Variants in CFLAR observed in about 807,000 individuals in gnomAD.
CFLAR encodes CASP8 and FADD-like apoptosis regulator.
CFLAR carries 14 observed loss-of-function variants against 51.1 expected under a neutral mutation model. The observed-to-expected ratio is 0.27, with a 90% CI of 0.18 to 0.43. The LOEUF (loss-of-function observed/expected upper bound fraction) is 0.43. Ranked by LOEUF, CFLAR falls within the 20% of genes least tolerant of loss-of-function variation. The pLI, the probability that CFLAR is intolerant of heterozygous loss-of-function variation, is 1.00. For missense variants in CFLAR, 390 were observed against 566.5 expected (o/e 0.69, Z 3.16); for synonymous variants, 210 against 211.6 (o/e 0.99, Z 0.06).
In CFLAR at chr2:201,148,794, C is replaced by T. The variant is rs534651140; in HGVS notation, c.662-209C>T. 17 of 490,202 alleles carry T rather than the reference C, an allele frequency of 3.5e-5. No homozygotes were observed. The South Asian group carries it at 3.9e-4, about 11-fold the overall frequency. The allele number at this position is 490,202 out of a possible 1,614,324, so 30.4% of individuals were successfully genotyped here. A position where few individuals can be genotyped will look rare whatever the true frequency, so the allele number is the denominator to read the frequency against. ...CTGTTTAAGCAGCTTTTCCAGATAG[C>T]CCCTGATAGCACTGGGACTTGTGTT... is the stretch of plus-strand genomic sequence containing the variant. On this transcript the variant is annotated intron_variant, in intron 6 of 9. Transcript: ENST00000309955.
chr2:201,170,513 C>G lies in CFLAR; in HGVS notation c.*6540C>G, dbSNP rs1327438169. 4 of 152,174 alleles carry G rather than the reference C, an allele frequency of 2.6e-5. No homozygotes were observed. Among genetic ancestry groups the G allele is most frequent in the Non-Finnish European group, 5.9e-5 (4 of 68,024 alleles). 9.4% of individuals were successfully genotyped at this position (152,174 alleles called of 1,614,324 possible). On this transcript the variant is annotated 3_prime_UTR_variant, in exon 10 of 10. Coordinates refer to ENST00000309955, the MANE Select transcript of CFLAR (RefSeq NM_003879.7). ...AATTCAGCCTAATCCAGTTTGACATCATATAGATAAGTAGTTGAATTATGG... is the reference window on the plus strand; with the variant it reads ...AATTCAGCCTAATCCAGTTTGACATGATATAGATAAGTAGTTGAATTATGG...
Position 201,130,187 on chromosome 2 carries a change from G to GGGGGGGGGGGCC in CFLAR, c.281+41_281+42insGGGGGGGGGGCC. ...TTCCTGAGGCTGGGTGGGTGGGAGG[G>GGGGGGGGGGGCC]AGTGAAGTGTCTCAGACTCTACTGA... is the stretch of plus-strand genomic sequence containing the variant. On this transcript the variant is annotated intron_variant, in intron 2 of 9. Transcript: ENST00000309955. 5 of 292,390 alleles carry GGGGGGGGGGGCC rather than the reference G, an allele frequency of 1.7e-5. No homozygotes were observed. The East Asian group carries it at 2.8e-4, about 16-fold the overall frequency. 18.1% of individuals were successfully genotyped at this position (292,390 alleles called of 1,614,324 possible).
At chr2:201,137,543 C>T in intron 4 of CFLAR, 3 of 686,160 alleles carry the variant, frequency 4.4e-6, no homozygotes, top group Non-Finnish European at 2.7e-6. Flanking sequence ...CGTAAGAGTG[C>T]AGGCCATGGA....
At chr2:201,120,426 T>G (rs2048087588) in intron 1 of CFLAR, among the ~76,000 whole-genome samples, 1 of 152,166 alleles carries the variant, frequency 6.6e-6, no homozygotes, top group African/African-American at 2.4e-5. Flanking sequence ...TCTACATTAT[T>G]TTTCTCTTAT....
intron 2 of CFLAR, 41 bp downstream of exon 2, chr2:201,130,187 G>GGGGGGGGGGGGGGGGA: frequency 1.0e-5 from 3 of 292,394 alleles, no homozygotes; most frequent in East Asian, 9.3e-5. Flanking sequence ...GGGTGGGAGG[G>GGGGGGGGGGGGGGGGA]AGTGAAGTGT....
Position 201,129,873 on chromosome 2 carries a change from C to G in CFLAR, c.8C>G (p.Ala3Gly). The change falls in exon 2 of 10, where the codon GCT (alanine) becomes GGT (glycine). Residue 3 changes from alanine (A) to glycine (G), a missense_variant. By Grantham distance (60) the Ala-to-Gly change is moderately conservative. Transcript: ENST00000309955. ...CCCTAGTCTAAGAGTAGGATGTCTG[C>G]TGAAGTCATCCATCAGGTTGAAGAA... MSAEVIHQVEEAL... is the reference protein window; with the variant it reads MSGEVIHQVEEAL... 1 of 1,614,020 alleles carries G rather than the reference C, an allele frequency of 6.2e-7. No homozygotes were observed. Among genetic ancestry groups the G allele is most frequent in the Non-Finnish European group, 8.5e-7 (1 of 1,179,944 alleles).
At chr2:201,126,619 G>A (rs1365185406) in intron 1 of CFLAR, among the ~76,000 whole-genome samples, 2 of 152,190 alleles carry the variant, frequency 1.3e-5, no homozygotes, top group African/African-American at 4.8e-5. Flanking sequence ...TCCACTGTCA[G>A]AGGGTCTTTG....
intron 8 of CFLAR, among the ~76,000 whole-genome samples, chr2:201,151,985 G>GC (rs1451796282): frequency 8.9e-5 from 13 of 146,388 alleles, no homozygotes; most frequent in Non-Finnish European, 1.7e-4. Flanking sequence ...TTTTTTTAAT[G>GC]TTTTTTTTTT....
At chr2:201,140,524 CTTTA>C (rs1325305251) in intron 5 of CFLAR, 85 bp downstream of exon 5, 4 of 983,056 alleles carry the variant, frequency 4.1e-6, no homozygotes, top group Non-Finnish European at 6.0e-6. Flanking sequence ...ACAGCATGTA[CTTTA>C]TTTAATATCT....
chr2:201,163,395 C>T (rs542983406), intron 9 of CFLAR: 1 of 1,144,166 alleles, frequency 8.7e-7, no homozygotes, highest in Admixed American at 4.6e-5. Context: ...AGCCACCTGT[C>T]AAATGCATTC....
chr2:201,151,202 G>A (rs1941227257), intron 8 of CFLAR: 1 of 152,198 alleles, frequency 6.6e-6, no homozygotes, highest in South Asian at 2.1e-4. Context: ...GCTTGGATCT[G>A]AGATGATTCT....
intron 1 of CFLAR, among the ~76,000 whole-genome samples, chr2:201,120,023 C>CTTTTTTTTTTTTTT (rs34076189): frequency 2.9e-4 from 32 of 112,274 alleles, no homozygotes; most frequent in Middle Eastern, 4.7e-3. Context: ...CTTTTCTTTT[C>CTTTTTTTTTTTTTT]TTTTTTTTTT....
intron 9 of CFLAR, among the ~76,000 whole-genome samples, chr2:201,161,895 C>T (rs749057717): frequency 2.0e-5 from 3 of 151,698 alleles, no homozygotes; most frequent in Non-Finnish European, 2.9e-5. Context: ...TACAGGCGTC[C>T]GCCATCACAC....
In CFLAR at chr2:201,170,819, G is replaced by A. The variant is rs563649322; in HGVS notation, c.*6846G>A. ...TGTTGTGAATATTTTCCTATATTAT[G>A]AAATATCATTAGCTGAGCTTTTAGA... On this transcript the variant is annotated 3_prime_UTR_variant, in exon 10 of 10. Transcript: ENST00000309955. The A allele has an allele frequency of 4.6e-5, 7 of 152,244 alleles. No individual in the cohort carries two copies. The highest frequency in any genetic ancestry group is 3.3e-4 in the Admixed American group (5 of 15,284). The allele number at this position is 152,244 out of a possible 1,614,324, so 9.4% of individuals were successfully genotyped here.
intron 5 of CFLAR, among the ~76,000 whole-genome samples, chr2:201,142,292 T>TA (rs1939106126): frequency 1.5e-5 from 2 of 137,374 alleles, no homozygotes; most frequent in South Asian, 2.2e-4. Flanking sequence ...AAAAAAAATA[T>TA]TATATATATA....
chr2:201,156,406 C>G (rs987063694), intron 8 of CFLAR, among the ~76,000 whole-genome samples: 1 of 152,186 alleles, frequency 6.6e-6, no homozygotes, highest in Non-Finnish European at 1.5e-5. Context: ...TACCCATGTG[C>G]TCTATAGCAG....
chr2:201,159,238 A>T (rs1230589871), intron 8 of CFLAR, among the ~76,000 whole-genome samples: 1 of 151,890 alleles, frequency 6.6e-6, no homozygotes, highest in Non-Finnish European at 1.5e-5. Flanking sequence ...TTCCTTGTTA[A>T]TGATGCTTAT....
rs1943789167 is a variant in CFLAR, at chr2:201,168,307, A to C, written c.*4334A>C. ...AATGTTGGCTTCATCCCTGGGATGC[A>C]AGGCTGGTTCAACATACGCAAATCA... is the stretch of plus-strand genomic sequence containing the variant. On this transcript the variant is annotated 3_prime_UTR_variant, in exon 10 of 10. Coordinates refer to ENST00000309955, the MANE Select transcript of CFLAR (RefSeq NM_003879.7). The C allele has an allele frequency of 6.6e-6, 1 of 152,208 alleles. No homozygotes were observed. The highest frequency in any genetic ancestry group is 6.5e-5 in the Admixed American group (1 of 15,278). 9.4% of individuals were successfully genotyped at this position (152,208 alleles called of 1,614,324 possible).
intron 4 of CFLAR, 68 bp downstream of exon 4, chr2:201,136,175 A>G: frequency 6.2e-7 from 1 of 1,612,264 alleles, no homozygotes; most frequent in South Asian, 1.1e-5. Context: ...ATCATGACTG[A>G]TAAATATTCA....
Sources: allele counts gnomAD v4.1 joint callset (sites outside exome capture counted in the v4.1 genomes callset), GRCh38; gene constraint gnomAD v4.1.1; transcripts MANE v1.5; gene names NCBI Gene and HGNC (gene_info 2026-07-23, HGNC 2026-07-21).